Variants in KIF22 observed in about 807,000 individuals in gnomAD.
The protein encoded by KIF22 is kinesin family member 22, also known as kinesin-like protein KIF22.
A neutral mutation model predicts 73.0 loss-of-function variants in KIF22; 62 were observed. The ratio of observed to expected loss-of-function variants is 0.85; its 90% CI spans 0.69 to 1.05. The LOEUF (loss-of-function observed/expected upper bound fraction) is 1.05, where lower values mean the gene tolerates loss of function less well. Ranked by LOEUF, KIF22 falls within the 50% of genes least tolerant of loss-of-function variation. The probability of loss-of-function intolerance (pLI) is 0.00; values close to 1 mark genes in which losing one functional copy is unlikely to be tolerated. For missense variants in KIF22, 854 were observed against 870.1 expected (o/e 0.98, Z 0.23); for synonymous variants, 411 against 340.1 (o/e 1.21, Z -2.29).
intron 8 of KIF22, among the ~76,000 whole-genome samples, chr16:29,801,433 G>A (rs1327168590): frequency 2.0e-5 from 3 of 152,208 alleles, no homozygotes; most frequent in African/African-American, 4.8e-5. Context: ...GGCTACTGTA[G>A]TTAAGGAAGA....
chr16:29,794,900 A>C (rs1303601367), intron 1 of KIF22, among the ~76,000 whole-genome samples: 1 of 152,052 alleles, frequency 6.6e-6, no homozygotes, highest in Non-Finnish European at 1.5e-5. Flanking sequence ...CCCAAGGCCC[A>C]CCCCCAACCT....
chr16:29,803,878 C>T (rs1275960367), intron 10 of KIF22, 120 bp from the exon 11 acceptor site: 2 of 805,152 alleles, frequency 2.5e-6, no homozygotes, highest in African/African-American at 3.4e-5. Flanking sequence ...TGTGGAAACA[C>T]AACAGGTTAA....
Position 29,805,030 on chromosome 16 carries a change from G to C in KIF22, c.1890+4G>C. The C allele has an allele frequency of 7.6e-7, 1 of 1,309,192 alleles. No homozygotes were observed. The highest frequency in any genetic ancestry group is 2.8e-5 in the East Asian group (1 of 35,186). The allele number at this position is 1,309,192 out of a possible 1,614,324, so 81.1% of individuals were successfully genotyped here. ...GCTCCACGGCCCCTTCAGCCAGGTA[G>C]CAGCCCACTGGACTGGGGGAGGGCG... is the stretch of plus-strand genomic sequence containing the variant. On this transcript the variant is annotated splice_donor_region_variant and intron_variant, in intron 12 of 13. Transcript: ENST00000160827.
intron 1 of KIF22, among the ~76,000 whole-genome samples, chr16:29,796,284 A>C (rs199957820): frequency 2.1e-4 from 31 of 146,690 alleles, no homozygotes; most frequent in African/African-American, 7.4e-4. Context: ...AAAAAAAAAA[A>C]ACACACACAC....
intron 8 of KIF22, 122 bp downstream of exon 8, chr16:29,800,170 C>T: frequency 1.6e-6 from 2 of 1,231,734 alleles, no homozygotes. Context: ...TAAATTCACC[C>T]TAGGCCGGAT....
chr16:29,795,795 AACTT>A (rs1269087069), intron 1 of KIF22, among the ~76,000 whole-genome samples: 1 of 152,202 alleles, frequency 6.6e-6, no homozygotes, highest in African/African-American at 2.4e-5. Flanking sequence ...AAACAAAAAA[AACTT>A]AATCATCTGA....
rs539072639 is a variant in KIF22 at position 29,803,759 on chromosome 16, G to C, written c.1609+151G>C. ...AGGAGGCTCTGAGGCAGTGCTGGGG[G>C]TGCTCTGCCCTCGGGTGTTTAGGAC... On this transcript the variant is annotated intron_variant, in intron 10 of 13. Transcript: ENST00000160827. The C allele has an allele frequency of 2.1e-4, 153 of 742,124 alleles. 1 individual carries two copies. The Admixed American group carries it at 3.3e-3, about 16-fold the overall frequency. 46.0% of individuals were successfully genotyped at this position (742,124 alleles called of 1,614,324 possible).
chr16:29,803,137 G>A (rs1243610639), intron 9 of KIF22, among the ~76,000 whole-genome samples, 200 bp downstream of exon 9: 3 of 152,006 alleles, frequency 2.0e-5, no homozygotes, highest in South Asian at 2.1e-4. Flanking sequence ...AGGGTGAGAA[G>A]AAAAAGTTCA....
chr16:29,798,276 T>C lies in KIF22; in HGVS notation c.267-98T>C. 1.3e-6 allele frequency: 2 copies of C among 1,534,444 alleles called. No homozygotes were observed. The highest frequency in any genetic ancestry group is 2.5e-5 in the South Asian group (2 of 80,926). ...CTTAAATCCAAGGTCCAGATGAGAG[T>C]AGAATCCCTTACCCACCCCCACCCC... On this transcript the variant is annotated intron_variant, in intron 2 of 13. Transcript: ENST00000160827. This position sits in a 1 kb window ranked among gnomAD's most constrained non-coding sequence, Gnocchi z 4.1.
At chr16:29,803,389 C>T in intron 9 of KIF22, 60 bp from the exon 10 acceptor site, 1 of 1,597,516 alleles carries the variant, frequency 6.3e-7, no homozygotes, top group Non-Finnish European at 8.5e-7. Context: ...TGGTAACCCA[C>T]TCCCTTCAGG....
intron 10 of KIF22, 126 bp from the exon 11 acceptor site, chr16:29,803,872 G>A (rs533033082): frequency 3.9e-6 from 3 of 773,910 alleles, no homozygotes; most frequent in Non-Finnish European, 6.7e-6. Flanking sequence ...AGGTCATGTG[G>A]AAACACAACA....
chr16:29,804,499 T>C (rs1012737315), intron 11 of KIF22: 2 of 650,736 alleles, frequency 3.1e-6, no homozygotes, highest in Non-Finnish European at 5.7e-6. Context: ...GCTTATTCTT[T>C]CCCTTTTAGA....
At chr16:29,803,699 AT>A in intron 10 of KIF22, 91 bp downstream of exon 10, 1 of 1,098,746 alleles carries the variant, frequency 9.1e-7, no homozygotes, top group East Asian at 2.5e-5. Context: ...TGTCATTCAT[AT>A]TCTCCCACCA....
Position 29,798,546 on chromosome 16 carries a change from G to C in KIF22, c.394+45G>C. ...AACAGCTATGGGTCAGAAAGGGCTG[G>C]GGAAACGGAGAGGAAAACCTCACAG... is the stretch of plus-strand genomic sequence containing the variant. On this transcript the variant is annotated intron_variant, in intron 3 of 13. Transcript: ENST00000160827. This position sits in a 1 kb window ranked among gnomAD's most constrained non-coding sequence, Gnocchi z 4.1. The C allele has an allele frequency of 1.2e-6, 2 of 1,613,844 alleles. No individual in the cohort carries two copies. Among genetic ancestry groups the C allele is most frequent in the Non-Finnish European group, 1.7e-6 (2 of 1,179,910 alleles).
In KIF22 at chr16:29,798,825, G is replaced by A. The variant is rs1172418140; in HGVS notation, c.549+78G>A. ...TGGTTCTAGAACATGAAGCTCTGCT[G>A]TAGCAGGGAGGTAAGGTGAGACCTA... On this transcript the variant is annotated intron_variant, in intron 4 of 13. Coordinates refer to ENST00000160827, the MANE Select transcript of KIF22 (RefSeq NM_007317.3). The surrounding 1 kb of genome is among the most constrained non-coding windows in gnomAD (Gnocchi z 4.1). The A allele has an allele frequency of 1.9e-6, 3 of 1,571,758 alleles. No individual in the cohort carries two copies. The highest frequency in any genetic ancestry group is 1.8e-5 in the Admixed American group (1 of 55,586).
intron 1 of KIF22, among the ~76,000 whole-genome samples, chr16:29,793,166 G>A (rs886760993): frequency 5.9e-5 from 9 of 152,178 alleles, no homozygotes; most frequent in African/African-American, 1.7e-4. Flanking sequence ...AAGAGGAGCC[G>A]TCGGCTGGGC....
Position 29,805,147 on chromosome 16 carries a change from G to C in KIF22, c.1923G>C (p.Thr641=). ...VEDLERVEGI[T]GKQMESFLKA... ...ACCTGGAACGCGTGGAGGGCATAAC[G>C]GGGAAACAGATGGAGTCCTTCCTGA... The change falls in exon 13 of 14, where the codon ACG becomes ACC. Residue 641 remains threonine, a synonymous_variant. Coordinates refer to ENST00000160827, the MANE Select transcript of KIF22 (RefSeq NM_007317.3). 1.9e-6 allele frequency: 3 copies of C among 1,613,824 alleles called. No homozygotes were observed. Among genetic ancestry groups the C allele is most frequent in the African/African-American group, 1.3e-5 (1 of 74,940 alleles).
At chr16:29,802,320 TC>T (rs1349237515) in intron 8 of KIF22, among the ~76,000 whole-genome samples, 1 of 138,566 alleles carries the variant, frequency 7.2e-6, no homozygotes, top group African/African-American at 2.7e-5. Flanking sequence ...GTGCTCAGAG[TC>T]AGTCAGGACT....
Position 29,803,146 on chromosome 16 carries a change from C to G in KIF22, c.1449+209C>G, listed in dbSNP as rs148068731. ...GATGTGAGGGTGAGAAGAAAAAGTT[C>G]AAAGTAAAAGCAACAAATGTTAAAC... is the stretch of plus-strand genomic sequence containing the variant. On this transcript the variant is annotated intron_variant, in intron 9 of 13. Coordinates refer to ENST00000160827, the MANE Select transcript of KIF22 (RefSeq NM_007317.3). Among the ~76,000 whole-genome samples, 261 of 152,208 alleles carry G rather than the reference C, an allele frequency of 1.7e-3. 2 individuals are homozygous for G. Among genetic ancestry groups the G allele is most frequent in the African/African-American group, 6.1e-3 (254 of 41,534 alleles).
Sources: gnomAD v4.1 joint callset for allele counts (sites outside exome capture counted in the v4.1 genomes callset) on GRCh38, gnomAD v4.1.1 for gene constraint, Gnocchi (gnomAD v3.1) non-coding constraint, MANE v1.5 for transcripts, NCBI Gene and HGNC (gene_info 2026-07-23, HGNC 2026-07-21) for gene names.